The following NID2 variants were observed in gnomAD, a reference collection of about 807,000 sequenced individuals.
NID2 encodes the protein nidogen 2.
NID2 carries 83 observed loss-of-function variants against 145.4 expected under a neutral mutation model. The ratio of observed to expected loss-of-function variants is 0.57; its 90% CI spans 0.48 to 0.69. NID2 has a LOEUF of 0.69. Ranked by LOEUF, NID2 falls within the 30% of genes least tolerant of loss-of-function variation. The probability of loss-of-function intolerance (pLI) is 0.00; values close to 1 mark genes in which losing one functional copy is unlikely to be tolerated. For synonymous variants in NID2, 739 were observed against 701.3 expected (o/e 1.05, Z -0.85); for missense variants, 1,807 against 1,765.7 (o/e 1.02, Z -0.42).
chr14:52,019,985 G>A (rs1211482158), intron 13 of NID2, 74 bp downstream of exon 13: 11 of 1,574,476 alleles, frequency 7.0e-6, no homozygotes, highest in Non-Finnish European at 9.5e-6. Context: ...TAAATCAAGA[G>A]TGGGCTGTCA....
chr14:52,019,984 A>T (rs956136230), intron 13 of NID2, 75 bp downstream of exon 13: 2 of 1,572,866 alleles, frequency 1.3e-6, no homozygotes, highest in Non-Finnish European at 1.7e-6. Flanking sequence ...CTAAATCAAG[A>T]GTGGGCTGTC....
chr14:52,047,277 T>C (rs1650393314), intron 5 of NID2, among the ~76,000 whole-genome samples: 2 of 152,102 alleles, frequency 1.3e-5, no homozygotes, highest in Admixed American at 6.5e-5. Flanking sequence ...CAGGTGTACA[T>C]GGCTCTTTTT....
rs4898729 is a variant in NID2, at chr14:52,042,765, T to C, written c.1579+17A>G. 0.78 allele frequency: 1,258,864 copies of C among 1,611,402 alleles called. 493,440 individuals carry two copies. Among genetic ancestry groups the C allele is most frequent in the South Asian group, 0.88 (80,548 of 91,022 alleles). ...GCAGGAATAGACACACAGGAGTTCC[T>C]GGCCCCAGTCAATTACCTTCAGGCA... On this transcript the variant is annotated intron_variant, in intron 6 of 21. Transcript: ENST00000216286.
rs549260597 is a variant in NID2, at chr14:52,006,557, G to A, written c.3984C>T (p.Phe1328=). Residue 1328 remains phenylalanine (F), a synonymous_variant, in exon 20 of 22, where the codon TTC becomes TTT. Transcript: ENST00000216286. ...PFSIVSYADH[F]YHTDWRRDGV... is the part of the protein sequence containing the mutation. ...CTCACCTCCTCCAGTCTGTGTGGTA[G>A]AAGTGATCTGCATAGCTTACGATGC... The A allele has an allele frequency of 3.2e-5, 51 of 1,613,788 alleles. 1 individual carries two copies. The South Asian group carries it at 5.3e-4, about 17-fold the overall frequency.
chr14:52,013,375 G>A (rs994426172), intron 16 of NID2, among the ~76,000 whole-genome samples: 12 of 152,164 alleles, frequency 7.9e-5, no homozygotes, highest in Admixed American at 2.0e-4. Flanking sequence ...GAGTTTTCTT[G>A]GGGGAGGGGA....
intron 2 of NID2, among the ~76,000 whole-genome samples, chr14:52,063,048 C>G (rs1355430752): frequency 1.3e-5 from 2 of 152,200 alleles, no homozygotes; most frequent in Admixed American, 1.3e-4. Flanking sequence ...CACCCACACA[C>G]TAAATGATCA....
intron 7 of NID2, among the ~76,000 whole-genome samples, chr14:52,041,163 CAAAT>C (rs965765738): frequency 2.2e-4 from 31 of 142,038 alleles, no homozygotes; most frequent in African/African-American, 6.2e-4. Flanking sequence ...AACAAACAAA[CAAAT>C]AAACCTAACA....
chr14:52,039,948 GT>G (rs1004079713), intron 8 of NID2, among the ~76,000 whole-genome samples: 12 of 152,028 alleles, frequency 7.9e-5, no homozygotes, highest in African/African-American at 2.9e-4. Context: ...GTGTTTTTTG[GT>G]TTTGTTTTTG....
At chr14:52,050,134 G>A (rs146337974) in intron 5 of NID2, among the ~76,000 whole-genome samples, 165 of 152,276 alleles carry the variant, frequency 1.1e-3, no homozygotes, top group African/African-American at 3.5e-3. Flanking sequence ...ATTAAGCTGC[G>A]TATAGCACTG....
intron 7 of NID2, among the ~76,000 whole-genome samples, chr14:52,041,346 G>C (rs142805884): frequency 6.6e-6 from 1 of 152,008 alleles, no homozygotes; most frequent in Non-Finnish European, 1.5e-5. Flanking sequence ...TTTGACCCAA[G>C]GGCTTTATTC....
At chr14:52,006,027 T>G in intron 20 of NID2, 178 bp from the exon 21 acceptor site, 1 of 589,978 alleles carries the variant, frequency 1.7e-6, no homozygotes, top group Non-Finnish European at 3.1e-6. Context: ...ATTGCTCATC[T>G]CTAGCTGCAT....
intron 5 of NID2, among the ~76,000 whole-genome samples, chr14:52,047,859 C>A (rs564297896): frequency 6.6e-6 from 1 of 152,112 alleles, no homozygotes; most frequent in Non-Finnish European, 1.5e-5. Context: ...CAGTCCTTCA[C>A]ACGGAGAGCT....
chr14:52,068,325 T>C (rs1449138255), intron 1 of NID2, among the ~76,000 whole-genome samples, 162 bp from the exon 2 acceptor site: 2 of 152,248 alleles, frequency 1.3e-5, no homozygotes, highest in African/African-American at 2.4e-5. Context: ...CTTTTGCGAC[T>C]GTCCCAGCTC....
intron 2 of NID2, among the ~76,000 whole-genome samples, chr14:52,067,286 T>C (rs1417033937): frequency 6.6e-6 from 1 of 152,194 alleles, no homozygotes; most frequent in Non-Finnish European, 1.5e-5. Context: ...TAGAAATACA[T>C]TTATTGACAT....
In NID2 at chr14:52,005,065, C is replaced by CAACTGTCAAGGTTT. The variant is rs1555361285; in HGVS notation, c.*407_*420dup. The CAACTGTCAAGGTTT allele has an allele frequency of 6.2e-6, 1 of 160,798 alleles. No homozygotes were observed. The allele number at this position is 160,798 out of a possible 1,614,324, so 10.0% of individuals were successfully genotyped here. A position where few individuals can be genotyped will look rare whatever the true frequency, so the allele number is the denominator to read the frequency against. On this transcript the variant is annotated 3_prime_UTR_variant, in exon 22 of 22. Coordinates refer to ENST00000216286, the MANE Select transcript of NID2 (RefSeq NM_007361.4). ...CCCATCAGTTCTGCATTGGCTTCTC[C>CAACTGTCAAGGTTT]AACTGTCAAGGTTTAGGATTATATT... is the stretch of plus-strand genomic sequence containing the variant.
At chr14:52,054,447 A>AT in intron 3 of NID2, 126 bp from the exon 4 acceptor site, 1 of 974,582 alleles carries the variant, frequency 1.0e-6, no homozygotes, top group Non-Finnish European at 1.5e-6. Flanking sequence ...CACACTTATA[A>AT]TCCCAGCACT....
In NID2 at chr14:52,054,250, C is replaced by T. The variant is rs1388111686; in HGVS notation, c.839G>A (p.Arg280Lys). Residue 280 changes from arginine to lysine, a missense_variant, in exon 4 of 22, where the codon AGG becomes AAG. Physicochemically the swap from Arg to Lys is conservative, Grantham distance 26. Coordinates refer to ENST00000216286, the MANE Select transcript of NID2 (RefSeq NM_007361.4). ...GGAAAGGTCTCCAACTGCAGCTGGC[C>T]TGACATTGTCCAACGGGGAAGTGCT... Reference protein sequence around the residue: ...IGSTSPLDNVRPAAVGDLSAA... With the variant: ...IGSTSPLDNVKPAAVGDLSAA... The T allele has an allele frequency of 6.2e-7, 1 of 1,614,188 alleles. No homozygotes were observed. The highest frequency in any genetic ancestry group is 1.7e-5 in the Admixed American group (1 of 60,032).
chr14:52,046,304 C>G (rs372780080), intron 5 of NID2, among the ~76,000 whole-genome samples: 1 of 109,092 alleles, frequency 9.2e-6, no homozygotes, highest in African/African-American at 3.8e-5. Flanking sequence ...GCCTGGGCGA[C>G]AGAGAGAGAC....
chr14:52,014,589 G>T, intron 15 of NID2, 133 bp from the exon 16 acceptor site: 1 of 893,414 alleles, frequency 1.1e-6, no homozygotes, highest in Non-Finnish European at 1.7e-6. Flanking sequence ...ATGTGCTCCA[G>T]ATGTTCTTCA....
Sources: allele counts gnomAD v4.1 joint callset (sites outside exome capture counted in the v4.1 genomes callset), GRCh38; gene constraint gnomAD v4.1.1; transcripts MANE v1.5; gene names NCBI Gene and HGNC (gene_info 2026-07-23, HGNC 2026-07-21).